DNMT3A: variants seen among roughly 807,000 people sequenced by gnomAD.
DNMT3A encodes DNA methyltransferase 3 alpha, also known as DNA (cytosine-5)-methyltransferase 3A.
In DNMT3A, 267 loss-of-function variants were observed where a neutral mutation model predicts 117.6. That is an observed-to-expected ratio of 2.27 (90% CI 2.05 to 2.51). The LOEUF (loss-of-function observed/expected upper bound fraction) is 2.51. Ranked by LOEUF, DNMT3A falls within the 30% of genes most tolerant of loss-of-function variation. The probability of loss-of-function intolerance (pLI) is 0.00; values close to 1 mark genes in which losing one functional copy is unlikely to be tolerated. For missense variants in DNMT3A, 1,029 were observed against 1,260.2 expected (o/e 0.82, Z 2.78); for synonymous variants, 432 against 474.8 (o/e 0.91, Z 1.17).
intron 1 of DNMT3A, among the ~76,000 whole-genome samples, chr2:25,331,864 C>G (rs1260420188): frequency 1.3e-5 from 2 of 151,756 alleles, no homozygotes; most frequent in African/African-American, 4.8e-5. Flanking sequence ...TACAACCCAG[C>G]TCCATGTGGG....
At chr2:25,264,886 G>A (rs1289344584) in intron 6 of DNMT3A, among the ~76,000 whole-genome samples, 1 of 152,192 alleles carries the variant, frequency 6.6e-6, no homozygotes, top group African/African-American at 2.4e-5. Context: ...GTAATAAAGA[G>A]AGTGCAGATC....
At chr2:25,320,750 A>G (rs116566289) in intron 1 of DNMT3A, among the ~76,000 whole-genome samples, 1 of 152,334 alleles carries the variant, frequency 6.6e-6, no homozygotes, top group African/African-American at 2.4e-5. Flanking sequence ...GGTTTAACAA[A>G]TATATGTGTG....
chr2:25,326,900 C>T (rs1253915286), intron 1 of DNMT3A, among the ~76,000 whole-genome samples: 2 of 152,226 alleles, frequency 1.3e-5, no homozygotes, highest in Non-Finnish European at 1.5e-5. Context: ...CCTGGGAAAA[C>T]GTAGCAGCGG....
rs1358871919 is a variant in DNMT3A, at chr2:25,228,727, A to G, written c.*5552T>C. ...AATAAAATGTTTTAGCACCTTGGTG[A>G]GTCACCTCCTCCCTCTGCGTATTCT... On this transcript the variant is annotated 3_prime_UTR_variant, in exon 23 of 23. Transcript: ENST00000321117. 1 of 152,222 alleles carries G rather than the reference A, an allele frequency of 6.6e-6. No individual in the cohort carries two copies. The highest frequency in any genetic ancestry group is 2.4e-5 in the African/African-American group (1 of 41,456). 9.4% of individuals were successfully genotyped at this position (152,222 alleles called of 1,614,324 possible).
intron 3 of DNMT3A, among the ~76,000 whole-genome samples, chr2:25,297,092 G>A (rs2033134394): frequency 6.6e-6 from 1 of 152,176 alleles, no homozygotes; most frequent in Non-Finnish European, 1.5e-5. Flanking sequence ...TGCATGGGAG[G>A]GGAAGAGGCC....
chr2:25,254,375 G>A lies in DNMT3A; in HGVS notation c.640-6123C>T, dbSNP rs1443390166. Among the ~76,000 whole-genome samples the A allele has an allele frequency of 6.6e-6, 1 of 151,936 alleles. No homozygotes were observed. Among genetic ancestry groups the A allele is most frequent in the Non-Finnish European group, 1.5e-5 (1 of 68,006 alleles). Reference sequence around the variant, plus strand: ...GAGCAAGCAAACCCTGAAGAGCAAGGACCCCAAACCAGAGAGCCTTCTACC... The same window carrying A: ...GAGCAAGCAAACCCTGAAGAGCAAGAACCCCAAACCAGAGAGCCTTCTACC... On this transcript the variant is annotated intron_variant, in intron 6 of 22. Transcript: ENST00000321117. The surrounding 1 kb of genome is among the most constrained non-coding windows in gnomAD (Gnocchi z 4.7).
rs1673437819 is a variant in DNMT3A, at chr2:25,236,963, C to CT, written c.2450dup (p.Cys818ValfsTer37). ...TGGCTATCCTGCCATGCTCCAGACA[C>CT]TCCTGCAGCTCCAGCTTATCATTCA... On this transcript the variant is annotated frameshift_variant, in exon 21 of 23. Coordinates refer to ENST00000321117, the MANE Select transcript of DNMT3A (RefSeq NM_022552.5). LOFTEE classifies it high-confidence loss of function. This position sits in a 1 kb window ranked among gnomAD's most constrained non-coding sequence, Gnocchi z 4.5. 1 of 1,613,556 alleles carries CT rather than the reference C, an allele frequency of 6.2e-7. No homozygotes were observed. Among genetic ancestry groups the CT allele is most frequent in the Admixed American group, 1.7e-5 (1 of 59,978 alleles).
chr2:25,287,487 G>A (rs1488067691), intron 3 of DNMT3A, among the ~76,000 whole-genome samples: 1 of 152,060 alleles, frequency 6.6e-6, no homozygotes, highest in Non-Finnish European at 1.5e-5. Flanking sequence ...GCCAATCTTC[G>A]CTTTCCTTCT....
At chr2:25,314,348 C>T in intron 1 of DNMT3A, 187 bp from the exon 2 acceptor site, 1 of 985,372 alleles carries the variant, frequency 1.0e-6, no homozygotes, top group Non-Finnish European at 1.2e-6. Flanking sequence ...CCCCAGCAGC[C>T]TCTGAGAGCC....
chr2:25,282,848 G>A lies in DNMT3A; in HGVS notation c.178-137C>T, dbSNP rs2031989859. 1.8e-6 allele frequency: 2 copies of A among 1,105,230 alleles called. No homozygotes were observed. Among genetic ancestry groups the A allele is most frequent in the South Asian group, 4.1e-5 (2 of 49,216 alleles). 68.5% of individuals were successfully genotyped at this position (1,105,230 alleles called of 1,614,324 possible). A position where few individuals can be genotyped will look rare whatever the true frequency, so the allele number is the denominator to read the frequency against. On this transcript the variant is annotated intron_variant, in intron 3 of 22. Transcript: ENST00000321117. The surrounding 1 kb of genome is among the most constrained non-coding windows in gnomAD (Gnocchi z 5.2). ...AAACTGTGTTCATATAAACCTTCAT[G>A]CAAACAGATACATTCACAATTTTGC... is the stretch of plus-strand genomic sequence containing the variant.
chr2:25,242,303 G>A (rs1163700537), intron 16 of DNMT3A, among the ~76,000 whole-genome samples: 2 of 151,878 alleles, frequency 1.3e-5, no homozygotes, highest in Admixed American at 6.6e-5. Context: ...TGCTTCCCCC[G>A]AGCTAACCAC....
At chr2:25,331,182 G>A (rs13393437) in intron 1 of DNMT3A, among the ~76,000 whole-genome samples, 303 of 152,348 alleles carry the variant, frequency 2.0e-3, no homozygotes, top group African/African-American at 7.0e-3. Context: ...CAGCAAGGAG[G>A]TGGCAGGGGT....
At position 25,243,919 on chromosome 2, in the gene DNMT3A, G is replaced by A. The variant is rs1674382248; in HGVS notation, c.1915C>T (p.Leu639Phe). ...EKRKPIRVLSLFDGIATGLLV... is the reference protein window; with the variant it reads ...EKRKPIRVLSFFDGIATGLLV... ...TCACCTGTAGCGATTCCATCAAAGA[G>A]AGACAGCACCCGGATGGGCTTCCTC... The change falls in exon 16 of 23, where the codon CTC becomes TTC. Residue 639 changes from leucine to phenylalanine, a missense_variant. Coordinates refer to ENST00000321117, the MANE Select transcript of DNMT3A (RefSeq NM_022552.5). 3 of 1,551,984 alleles carry A rather than the reference G, an allele frequency of 1.9e-6. No homozygotes were observed. Among genetic ancestry groups the A allele is most frequent in the African/African-American group, 1.4e-5 (1 of 73,080 alleles).
chr2:25,292,450 G>A (rs909747730), intron 3 of DNMT3A, among the ~76,000 whole-genome samples: 1 of 152,290 alleles, frequency 6.6e-6, no homozygotes, highest in Non-Finnish European at 1.5e-5. Context: ...TTCAATTTCT[G>A]CCAATCCTAG....
In DNMT3A at chr2:25,247,663, C is replaced by T. The variant is rs772972939; in HGVS notation, c.942G>A (p.Trp314Ter). 8 of 1,613,958 alleles carry T rather than the reference C, an allele frequency of 5.0e-6. No homozygotes were observed. Among genetic ancestry groups the T allele is most frequent in the Admixed American group, 1.7e-5 (1 of 60,006 alleles). ...CAGCTGCTCGGCTCCGGCCCGTCAT[C>T]CACCAAGACACAATGCGGCCTGGCC... ...SWWPGRIVSWWMTGRSRAAEG... is the reference protein window; with the variant it reads ...SWWPGRIVSW Residue 314 changes from tryptophan (W) to a stop codon, truncating the protein, a stop_gained, in exon 8 of 23, where the codon TGG (tryptophan) becomes TGA (stop). Transcript: ENST00000321117. LOFTEE classifies it high-confidence loss of function. The surrounding 1 kb of genome is among the most constrained non-coding windows in gnomAD (Gnocchi z 5.6).
intron 1 of DNMT3A, among the ~76,000 whole-genome samples, chr2:25,334,586 T>G (rs2035139275): frequency 6.6e-6 from 1 of 152,234 alleles, no homozygotes; most frequent in African/African-American, 2.4e-5. Context: ...CTCAGTGATT[T>G]GTTCTCCACT....
At chr2:25,253,036 G>A (rs1395850687) in intron 6 of DNMT3A, among the ~76,000 whole-genome samples, 1 of 152,194 alleles carries the variant, frequency 6.6e-6, no homozygotes, top group African/African-American at 2.4e-5. Context: ...TTTCCTGTTT[G>A]CAAGGTTGGT....
chr2:25,255,512 T>C (rs1220883482), intron 6 of DNMT3A, among the ~76,000 whole-genome samples: 2 of 152,188 alleles, frequency 1.3e-5, no homozygotes, highest in South Asian at 2.1e-4. Flanking sequence ...TGTGGTCCAA[T>C]GGAGAGAGTG....
chr2:25,258,890 G>A (rs1481724058), intron 6 of DNMT3A, among the ~76,000 whole-genome samples: 1 of 152,180 alleles, frequency 6.6e-6, no homozygotes, highest in African/African-American at 2.4e-5. Flanking sequence ...GGAGTGGTAA[G>A]GGGCTTTTTG....
Sources: gnomAD v4.1 joint callset for allele counts (sites outside exome capture counted in the v4.1 genomes callset) on GRCh38, gnomAD v4.1.1 for gene constraint, Gnocchi (gnomAD v3.1) non-coding constraint, MANE v1.5 for transcripts, NCBI Gene and HGNC (gene_info 2026-07-23, HGNC 2026-07-21) for gene names.